The following MARK4 variants were observed in gnomAD, a reference collection of about 807,000 sequenced individuals.
The protein encoded by MARK4 is MAP/microtubule affinity-regulating kinase 4.
A neutral mutation model predicts 81.5 loss-of-function variants in MARK4; 19 were observed. The ratio of observed to expected loss-of-function variants is 0.23; its 90% confidence interval spans 0.16 to 0.34. MARK4 has a LOEUF of 0.34. Ranked by LOEUF, MARK4 falls within the 10% of genes least tolerant of loss-of-function variation. The probability of loss-of-function intolerance (pLI) is 1.00; values close to 1 mark genes in which losing one functional copy is unlikely to be tolerated. For synonymous variants in MARK4, 436 were observed against 439.0 expected, an observed-to-expected ratio of 0.99 and a Z score of 0.08; for missense variants, 772 against 1,058.8, an observed-to-expected ratio of 0.73 and a Z score of 3.76.
chr19:45,270,252 G>T (rs1007742530), intron 7 of MARK4, among the ~76,000 whole-genome samples: 3 of 152,156 alleles, frequency 2.0e-5, no homozygotes, highest in Admixed American at 6.6e-5. Context: ...GGAAACTGAG[G>T]CACAGAGAGG....
chr19:45,295,906 CT>C (rs892821144), intron 14 of MARK4, among the ~76,000 whole-genome samples: 7 of 151,958 alleles, frequency 4.6e-5, no homozygotes, highest in Non-Finnish European at 1.0e-4. Flanking sequence ...CTTGAGAGTG[CT>C]TTTTTTTGGT....
intron 12 of MARK4, among the ~76,000 whole-genome samples, chr19:45,281,363 C>CTTGCTTT (rs1970671597): frequency 1.2e-5 from 1 of 86,156 alleles, no homozygotes. Flanking sequence ...CTTTTCTTTT[C>CTTGCTTT]TTTCTTTTTT....
intron 15 of MARK4, 146 bp from the exon 16 acceptor site, chr19:45,299,665 G>A (rs1317347668): frequency 1.9e-6 from 1 of 532,526 alleles, no homozygotes; most frequent in African/African-American, 1.9e-5. Context: ...GATGGACAAG[G>A]AGATCAAATC....
At chr19:45,275,293 G>A (rs1970584115) in intron 8 of MARK4, among the ~76,000 whole-genome samples, 1 of 151,938 alleles carries the variant, frequency 6.6e-6, no homozygotes, top group African/African-American at 2.4e-5. Context: ...ACCAGCCTGG[G>A]CAACATTTCA....
At chr19:45,272,918 A>C (rs1211526701) in intron 8 of MARK4, among the ~76,000 whole-genome samples, 1 of 152,140 alleles carries the variant, frequency 6.6e-6, no homozygotes, top group Non-Finnish European at 1.5e-5. Context: ...TGAATGTAGT[A>C]ATGATTGTGC....
intron 7 of MARK4, among the ~76,000 whole-genome samples, chr19:45,268,300 A>G (rs115047979): frequency 0.022 from 3,400 of 151,832 alleles, 128 homozygotes; most frequent in African/African-American, 0.079. Flanking sequence ...GTAAAAAATT[A>G]GCTTGGCTGG....
At chr19:45,261,871 C>T (rs1196818380) in intron 2 of MARK4, among the ~76,000 whole-genome samples, 1 of 151,420 alleles carries the variant, frequency 6.6e-6, no homozygotes, top group Non-Finnish European at 1.5e-5. Context: ...AGGTGGAGGT[C>T]GCGGTGAGCC....
intron 8 of MARK4, among the ~76,000 whole-genome samples, chr19:45,273,795 T>G (rs560178781): frequency 1.3e-5 from 2 of 152,186 alleles, no homozygotes; most frequent in Non-Finnish European, 2.9e-5. Flanking sequence ...TACTGTGATA[T>G]GAAATTGTAA....
chr19:45,297,906 G>A lies in MARK4; in HGVS notation c.1829G>A (p.Arg610His), dbSNP rs200675001. The change falls in exon 15 of 17, where the codon CGC (arginine) becomes CAC (histidine). Residue 610 changes from arginine (R) to histidine (H), a missense_variant. This residue lies in a region of MARK4 where 548 missense variants were observed against 624.3 expected (regional missense o/e 0.88). Transcript: ENST00000262891. ...GCACCCCTGCCCGCCGGGCGGCCCC[G>A]CCCCACCACCAACCTCTTCACCAAG... ...EAAPLPAGRPRPTTNLFTKLT... is the reference protein window; with the variant it reads ...EAAPLPAGRPHPTTNLFTKLT... 150 of 1,548,882 alleles carry A rather than the reference G, an allele frequency of 9.7e-5. No individual in the cohort carries two copies. The highest frequency in any genetic ancestry group is 1.2e-4 in the Non-Finnish European group (142 of 1,146,434).
intron 6 of MARK4, 73 bp downstream of exon 6, chr19:45,264,983 G>A: frequency 6.7e-7 from 1 of 1,487,288 alleles, no homozygotes; most frequent in Non-Finnish European, 9.4e-7. Context: ...GCTGGGCATG[G>A]TCTGGGCTGT....
intron 15 of MARK4, 144 bp downstream of exon 15, chr19:45,298,098 T>TCCA: frequency 6.3e-7 from 1 of 1,591,804 alleles, no homozygotes; most frequent in Non-Finnish European, 8.6e-7. Context: ...CTCCTCCTCC[T>TCCA]TTCCTCCTCC....
chr19:45,291,150 A>G (rs530980495), intron 13 of MARK4, among the ~76,000 whole-genome samples: 1 of 152,274 alleles, frequency 6.6e-6, no homozygotes, highest in Non-Finnish European at 1.5e-5. Flanking sequence ...ATGATCCACA[A>G]CCCAGAGAAT....
chr19:45,283,699 A>G, intron 12 of MARK4, among the ~76,000 whole-genome samples: 1 of 152,082 alleles, frequency 6.6e-6, no homozygotes, highest in South Asian at 2.1e-4. Flanking sequence ...GATTGCCTCC[A>G]CTTTTTGGCT....
chr19:45,262,990 C>T lies in MARK4; in HGVS notation c.253-123C>T, dbSNP rs978081306. On this transcript the variant is annotated intron_variant, in intron 2 of 16. Coordinates refer to ENST00000262891, the MANE Select transcript of MARK4 (RefSeq NM_001199867.2). ...GTGTTGACCAGGCTGGTCTCGAACT[C>T]CTGGCCTCAAGTGATCCTCCCGCCT... 14 of 1,149,088 alleles carry T rather than the reference C, an allele frequency of 1.2e-5. No individual in the cohort carries two copies. The Admixed American group carries it at 2.6e-4, about 21-fold the overall frequency. The allele number at this position is 1,149,088 out of a possible 1,614,324, so 71.2% of individuals were successfully genotyped here.
In MARK4 at chr19:45,303,058, T is replaced by G. The variant is rs2123120816; in HGVS notation, c.*348T>G. ...CTCCCAACAGCTCAAAATTAGGCCT[T>G]GGGCAGGGGCAGGGAGAGCTGCTGA... is the stretch of plus-strand genomic sequence containing the variant. On this transcript the variant is annotated 3_prime_UTR_variant, in exon 17 of 17. Transcript: ENST00000262891. 1.3e-3 allele frequency: 333 copies of G among 262,288 alleles called. No individual in the cohort carries two copies. Among genetic ancestry groups the G allele is most frequent in the East Asian group, 2.3e-3 (20 of 8,668 alleles). 16.2% of individuals were successfully genotyped at this position (262,288 alleles called of 1,614,324 possible). A position where few individuals can be genotyped will look rare whatever the true frequency, so the allele number is the denominator to read the frequency against.
chr19:45,261,511 C>T (rs1970380353), intron 2 of MARK4, among the ~76,000 whole-genome samples: 1 of 152,164 alleles, frequency 6.6e-6, no homozygotes, highest in Non-Finnish European at 1.5e-5. Context: ...AAAACACATT[C>T]GTGAGAATAT....
chr19:45,256,208 T>C (rs909235010), intron 1 of MARK4, among the ~76,000 whole-genome samples: 2 of 151,992 alleles, frequency 1.3e-5, no homozygotes, highest in Non-Finnish European at 2.9e-5. Context: ...GAGGCCGAGG[T>C]GGGTGGATCA....
At chr19:45,262,371 G>A (rs1403356735) in intron 2 of MARK4, among the ~76,000 whole-genome samples, 2 of 151,712 alleles carry the variant, frequency 1.3e-5, no homozygotes, top group East Asian at 3.9e-4. Context: ...TGGGGTGGGT[G>A]CGGAGAATGG....
At position 45,302,516 on chromosome 19, in the gene MARK4, C is replaced by T. The variant is rs576984498; in HGVS notation, c.2065C>T (p.Arg689Cys). The change falls in exon 17 of 17, where the codon CGC becomes TGC. Residue 689 changes from arginine to cysteine, a missense_variant. Physicochemically the swap from Arg to Cys is radical, Grantham distance 180. Transcript: ENST00000262891. The surrounding 1 kb of genome is among the most constrained non-coding windows in gnomAD (Gnocchi z 4.9). Reference sequence around the variant, plus strand: ...CACAGCAGCCGCCCGCTGCCGCTGCCGCCAGCCACAGCCGTTCCTGCTGGC... The same window carrying T: ...CACAGCAGCCGCCCGCTGCCGCTGCTGCCAGCCACAGCCGTTCCTGCTGGC... The part of the protein sequence containing the change: ...QATAAARCRC[R>C]QPQPFLLACL... The T allele has an allele frequency of 1.9e-6, 3 of 1,601,752 alleles. No individual in the cohort carries two copies. The African/African-American group carries it at 4.0e-5, about 21-fold the overall frequency.
Sources: allele counts gnomAD v4.1 joint callset (sites outside exome capture counted in the v4.1 genomes callset), GRCh38; gene constraint gnomAD v4.1.1; regional missense constraint gnomAD v4.1.1; non-coding constraint Gnocchi (gnomAD v3.1); transcripts MANE v1.5; gene names NCBI Gene and HGNC (gene_info 2026-07-23, HGNC 2026-07-21).